Variants in ICA1 observed in about 807,000 individuals in gnomAD.
The protein encoded by ICA1 is islet cell autoantigen 1.
ICA1 carries 40 observed loss-of-function variants against 71.0 expected under a neutral mutation model. The ratio of observed to expected loss-of-function variants is 0.56; its 90% CI spans 0.44 to 0.73. The LOEUF is 0.73. ICA1 is among the 30% of genes least tolerant of loss of function. The probability of loss-of-function intolerance (pLI) is 0.00; values close to 1 mark genes in which losing one functional copy is unlikely to be tolerated. For synonymous variants in ICA1, 207 were observed against 209.5 expected, an observed-to-expected ratio of 0.99 and a Z score of 0.10; for missense variants, 578 against 576.5, an observed-to-expected ratio of 1.00 and a Z score of -0.03.
chr7:8,224,710 C>T (rs1798097320), intron 4 of ICA1, among the ~76,000 whole-genome samples: 1 of 152,162 alleles, frequency 6.6e-6, no homozygotes, highest in African/African-American at 2.4e-5. Flanking sequence ...TTTTCTGTTA[C>T]AGGATCCAAT....
At chr7:8,204,287 G>A (rs1415938802) in intron 6 of ICA1, among the ~76,000 whole-genome samples, 6 of 152,326 alleles carry the variant, frequency 3.9e-5, no homozygotes, top group East Asian at 1.9e-4. Flanking sequence ...CTGGAAAGCC[G>A]AGAAGAGCAC....
chr7:8,244,867 T>C (rs937643060), intron 1 of ICA1, among the ~76,000 whole-genome samples: 4 of 152,142 alleles, frequency 2.6e-5, no homozygotes, highest in African/African-American at 9.7e-5. Context: ...AGATACCATC[T>C]CACACCTGTT....
rs531479176 is a variant in ICA1, at chr7:8,212,556, C to A, written c.579+5749G>T. On this transcript the variant is annotated intron_variant, in intron 6 of 13. Coordinates refer to ENST00000402384, the MANE Select transcript of ICA1 (RefSeq NM_001136020.3). Reference sequence around the variant, plus strand: ...CTCCAGCCTGGGAGACAGAGCAAGACCCTGTCTCAAAACAAACAAAACAAA... The same window carrying A: ...CTCCAGCCTGGGAGACAGAGCAAGAACCTGTCTCAAAACAAACAAAACAAA... Among the ~76,000 whole-genome samples the A allele has an allele frequency of 1.8e-4, 27 of 152,250 alleles. 1 individual carries two copies. The South Asian group carries it at 5.2e-3, about 29-fold the overall frequency.
intron 6 of ICA1, among the ~76,000 whole-genome samples, chr7:8,189,453 C>G (rs767637913): frequency 6.6e-6 from 1 of 152,224 alleles, no homozygotes; most frequent in Non-Finnish European, 1.5e-5. Flanking sequence ...TTCGCCTCCT[C>G]GCTCTGCTAG....
At chr7:8,241,882 T>G (rs146191360) in intron 1 of ICA1, among the ~76,000 whole-genome samples, 14 of 152,180 alleles carry the variant, frequency 9.2e-5, no homozygotes, top group Admixed American at 7.9e-4. Flanking sequence ...TAAATATATA[T>G]GCACCCAATA....
At chr7:8,142,641 C>T (rs1433899336) in intron 9 of ICA1, among the ~76,000 whole-genome samples, 1 of 152,240 alleles carries the variant, frequency 6.6e-6, no homozygotes, top group Admixed American at 6.5e-5. Context: ...AGCCCCTTAA[C>T]CTTCCGGAAC....
At chr7:8,190,881 G>A (rs1562927245) in intron 6 of ICA1, among the ~76,000 whole-genome samples, 2 of 152,204 alleles carry the variant, frequency 1.3e-5, no homozygotes, top group Non-Finnish European at 2.9e-5. Context: ...TTGCTTCCAT[G>A]AGCCTTGCTT....
intron 1 of ICA1, among the ~76,000 whole-genome samples, chr7:8,261,212 A>G (rs3823815): frequency 0.65 from 98,989 of 152,012 alleles, 33,371 homozygotes; most frequent in African/African-American, 0.83. Context: ...CTCCCCAACC[A>G]GGCAGTTAAT....
At position 8,226,152 on chromosome 7, in the gene ICA1, G is replaced by A. The variant is rs1798533690; in HGVS notation, c.256+2449C>T. 6.6e-6 allele frequency among the ~76,000 whole-genome samples: 1 copy of A among 152,078 alleles called. No individual in the cohort carries two copies. Among genetic ancestry groups the A allele is most frequent in the Non-Finnish European group, 1.5e-5 (1 of 68,004 alleles). On this transcript the variant is annotated intron_variant, in intron 4 of 13. Transcript: ENST00000402384. The surrounding 1 kb of genome is among the most constrained non-coding windows in gnomAD (Gnocchi z 4.4). Reference sequence around the variant, plus strand: ...TAAGTATTTTTTGAGTCTATGAAATGTTACTATGGTTTTATGAATCAGAGC... The same window carrying A: ...TAAGTATTTTTTGAGTCTATGAAATATTACTATGGTTTTATGAATCAGAGC...
intron 4 of ICA1, among the ~76,000 whole-genome samples, chr7:8,227,319 G>C (rs1276907956): frequency 6.6e-6 from 1 of 152,174 alleles, no homozygotes; most frequent in Non-Finnish European, 1.5e-5. Context: ...CCAAGTGAGA[G>C]ACTAATGGTG....
In ICA1 at chr7:8,223,667, C is replaced by T. The variant is rs1797749473; in HGVS notation, c.257-2269G>A. ...AAGGGCTGAGTGTGGTGGTTCACAC[C>T]TGCAGTCCCAGCACTTTTGGGAGGT... On this transcript the variant is annotated intron_variant, in intron 4 of 13. Coordinates refer to ENST00000402384, the MANE Select transcript of ICA1 (RefSeq NM_001136020.3). This position sits in a 1 kb window ranked among gnomAD's most constrained non-coding sequence, Gnocchi z 4.1. 1 of 152,750 alleles carries T rather than the reference C, an allele frequency of 6.5e-6. No homozygotes were observed. The highest frequency in any genetic ancestry group is 2.4e-5 in the African/African-American group (1 of 41,442). 9.5% of individuals were successfully genotyped at this position (152,750 alleles called of 1,614,324 possible).
chr7:8,228,957 A>G (rs947330577), intron 3 of ICA1, among the ~76,000 whole-genome samples: 5 of 152,184 alleles, frequency 3.3e-5, no homozygotes, highest in Non-Finnish European at 5.9e-5. Flanking sequence ...AAAACAAAAA[A>G]CAGACATCCT....
At chr7:8,257,147 C>A (rs1395714655) in intron 1 of ICA1, among the ~76,000 whole-genome samples, 1 of 152,152 alleles carries the variant, frequency 6.6e-6, no homozygotes, top group Non-Finnish European at 1.5e-5. Flanking sequence ...AAATCCACTG[C>A]CAATATAGTG....
At chr7:8,170,516 G>A (rs1187873386) in intron 6 of ICA1, among the ~76,000 whole-genome samples, 1 of 151,816 alleles carries the variant, frequency 6.6e-6, no homozygotes, top group Non-Finnish European at 1.5e-5. Flanking sequence ...CACTTTTTGG[G>A]TAGATTTTGG....
intron 13 of ICA1, among the ~76,000 whole-genome samples, chr7:8,124,177 G>C (rs1788150280): frequency 7.2e-6 from 1 of 138,796 alleles, no homozygotes; most frequent in Non-Finnish European, 1.5e-5. Context: ...CTGGAGTGCA[G>C]TGGCGGGATC....
intron 6 of ICA1, among the ~76,000 whole-genome samples, chr7:8,206,861 T>C (rs1791778205): frequency 1.3e-5 from 2 of 152,218 alleles, no homozygotes; most frequent in Admixed American, 1.3e-4. Flanking sequence ...ATCTGTAGAC[T>C]ATTTTCCCCT....
intron 1 of ICA1, among the ~76,000 whole-genome samples, chr7:8,259,701 G>T (rs946120237): frequency 6.6e-6 from 1 of 152,142 alleles, no homozygotes; most frequent in Non-Finnish European, 1.5e-5. Context: ...AGGTCACACG[G>T]CTAGTTAGGT....
At chr7:8,229,735 T>C (rs1010430109) in intron 3 of ICA1, among the ~76,000 whole-genome samples, 2 of 152,254 alleles carry the variant, frequency 1.3e-5, no homozygotes, top group East Asian at 1.9e-4. Flanking sequence ...GAATGCTTCA[T>C]ATAAAACTTG....
At chr7:8,193,232 T>C (rs1270362267) in intron 6 of ICA1, among the ~76,000 whole-genome samples, 3 of 152,216 alleles carry the variant, frequency 2.0e-5, no homozygotes, top group African/African-American at 7.2e-5. Flanking sequence ...GCTACATTAG[T>C]TTACATATAT....
Sources: allele counts gnomAD v4.1 joint callset (sites outside exome capture counted in the v4.1 genomes callset), GRCh38; gene constraint gnomAD v4.1.1; non-coding constraint Gnocchi (gnomAD v3.1); transcripts MANE v1.5; gene names NCBI Gene and HGNC (gene_info 2026-07-23, HGNC 2026-07-21).